The following PAX2 variants were observed in gnomAD, a reference collection of about 807,000 sequenced individuals.
PAX2 encodes paired box 2, also known as paired box protein Pax-2.
Under a neutral mutation model 41.7 loss-of-function variants are expected in PAX2, and 9 were observed. The observed-to-expected ratio is 0.22, with a 90% CI of 0.13 to 0.38. The LOEUF is 0.38. Ranked by LOEUF, PAX2 falls within the 10% of genes least tolerant of loss-of-function variation. The pLI is 1.00. For missense variants in PAX2, 418 were observed against 531.6 expected (o/e 0.79, Z 2.10); for synonymous variants, 221 against 212.7 (o/e 1.04, Z -0.34).
At chr10:100,770,336 T>C (rs1846168088) in intron 3 of PAX2, among the ~76,000 whole-genome samples, 1 of 152,138 alleles carries the variant, frequency 6.6e-6, no homozygotes, top group Non-Finnish European at 1.5e-5. Flanking sequence ...CCAAACAGGA[T>C]CATGGGGGTG....
rs756077842 is a variant in PAX2, at chr10:100,750,596, G to T, written c.213-98G>T. 2.7e-6 allele frequency: 3 copies of T among 1,096,618 alleles called. No individual in the cohort carries two copies. The highest frequency in any genetic ancestry group is 1.5e-5 in the African/African-American group (1 of 64,530). The allele number at this position is 1,096,618 out of a possible 1,614,324, so 67.9% of individuals were successfully genotyped here. On this transcript the variant is annotated intron_variant, in intron 2 of 9. Transcript: ENST00000355243. This position sits in a 1 kb window ranked among gnomAD's most constrained non-coding sequence, Gnocchi z 4.1. ...CCTTTTCCCTCCACTCCGCTGCCTC[G>T]GCCGGGCAGGAGAGTGGCTCAGCAG... is the stretch of plus-strand genomic sequence containing the variant.
intron 7 of PAX2, among the ~76,000 whole-genome samples, chr10:100,809,960 G>A (rs1847935305): frequency 6.6e-6 from 1 of 152,240 alleles, no homozygotes; most frequent in South Asian, 2.1e-4. Context: ...GCTGTGGAAT[G>A]CACGTGCCAC....
intron 5 of PAX2, among the ~76,000 whole-genome samples, chr10:100,805,023 TACACACACACACACACACACACAC>T (rs3978747): frequency 2.9e-4 from 28 of 95,020 alleles, no homozygotes; most frequent in Admixed American, 5.3e-4. Context: ...CTCTCTCACA[TACACACACACACACACACACACAC>T]ACACACACAC....
intron 1 of PAX2, chr10:100,747,540 A>G: frequency 1.2e-6 from 1 of 826,292 alleles, no homozygotes; most frequent in Non-Finnish European, 1.5e-6. Flanking sequence ...CAGATTAATA[A>G]TTAAGGATAA....
At position 100,826,634 on chromosome 10, in the gene PAX2, C is replaced by T. The variant is rs1330813724; in HGVS notation, c.1022-375C>T. Among the ~76,000 whole-genome samples the T allele has an allele frequency of 6.6e-6, 1 of 152,246 alleles. No individual in the cohort carries two copies. Among genetic ancestry groups the T allele is most frequent in the African/African-American group, 2.4e-5 (1 of 41,474 alleles). ...CACTCCCATTTCCACCCATTAGGGG[C>T]CATGCCTCCTAGAACCGGAGTGGCA... On this transcript the variant is annotated intron_variant, in intron 8 of 9. Transcript: ENST00000355243. The surrounding 1 kb of genome is among the most constrained non-coding windows in gnomAD (Gnocchi z 5.5).
intron 5 of PAX2, among the ~76,000 whole-genome samples, chr10:100,796,828 T>C (rs1031488384): frequency 6.6e-6 from 1 of 152,208 alleles, no homozygotes; most frequent in Non-Finnish European, 1.5e-5. Flanking sequence ...CCTGCAATAG[T>C]GGAAAGGGAT....
At chr10:100,740,892 C>CTTCA (rs796390162), upstream of PAX2, among the ~76,000 whole-genome samples, 10 of 152,340 alleles carry the variant, frequency 6.6e-5, no homozygotes, top group Admixed American at 2.0e-4. Context: ...TGGACAGGAC[C>CTTCA]TTCACTCTTA....
intron 5 of PAX2, among the ~76,000 whole-genome samples, chr10:100,795,320 A>G (rs1358452809): frequency 6.6e-6 from 1 of 152,200 alleles, no homozygotes; most frequent in Non-Finnish European, 1.5e-5. Flanking sequence ...GACCTCAAGA[A>G]ACTTACAATC....
In PAX2 at chr10:100,750,740, A is replaced by C; in HGVS notation, c.259A>C (p.Lys87Gln). The C allele has an allele frequency of 6.2e-7, 1 of 1,614,220 alleles. No individual in the cohort carries two copies. Among genetic ancestry groups the C allele is most frequent in the Non-Finnish European group, 8.5e-7 (1 of 1,180,038 alleles). The stretch of plus-strand genomic sequence containing the variant: ...CAAGCCGGGTGTGATCGGTGGCTCC[A>C]AGCCCAAAGTGGCGACGCCCAAAGT... ...SIKPGVIGGSKPKVATPKVVD... is the reference protein window; with the variant it reads ...SIKPGVIGGSQPKVATPKVVD... The change falls in exon 3 of 10, where the codon AAG becomes CAG. Residue 87 changes from lysine (K) to glutamine (Q), a missense_variant. By Grantham distance (53) the Lys-to-Gln change is moderately conservative. Around this residue, in one of 2 missense-constraint regions of PAX2, gnomAD observed 108 missense variants for 206.3 expected, o/e 0.52. Transcript: ENST00000355243. The surrounding 1 kb of genome is among the most constrained non-coding windows in gnomAD (Gnocchi z 4.1).
intron 3 of PAX2, among the ~76,000 whole-genome samples, chr10:100,758,608 G>A (rs1845724278): frequency 6.6e-6 from 1 of 152,238 alleles, no homozygotes; most frequent in Non-Finnish European, 1.5e-5. Flanking sequence ...AGCAGGAAGA[G>A]GCTCCAGAAT....
At chr10:100,773,433 G>C (rs1846280325) in intron 3 of PAX2, among the ~76,000 whole-genome samples, 1 of 151,928 alleles carries the variant, frequency 6.6e-6, no homozygotes, top group Non-Finnish European at 1.5e-5. Flanking sequence ...TCCACCTCAG[G>C]GAGTTTTTGC....
rs550107065 is a variant in PAX2, at chr10:100,805,186, G to A, written c.617-1244G>A. ...GGGAGGCCAGCAAGGGAGGATGGCT[G>A]CAGGTTGAGTTAATCAATATGTAAT... On this transcript the variant is annotated intron_variant, in intron 5 of 9. Transcript: ENST00000355243. Among the ~76,000 whole-genome samples the A allele has an allele frequency of 1.5e-4, 23 of 152,262 alleles. No individual in the cohort carries two copies. The East Asian group carries it at 4.4e-3, about 29-fold the overall frequency.
At chr10:100,790,105 G>A (rs1284891161) in intron 5 of PAX2, among the ~76,000 whole-genome samples, 1 of 152,230 alleles carries the variant, frequency 6.6e-6, no homozygotes, top group Non-Finnish European at 1.5e-5. Context: ...TAATGCTGTT[G>A]TGGATGAAGA....
At chr10:100,770,481 A>G (rs1353588474) in intron 3 of PAX2, among the ~76,000 whole-genome samples, 1 of 152,186 alleles carries the variant, frequency 6.6e-6, no homozygotes, top group Non-Finnish European at 1.5e-5. Flanking sequence ...AGTTAAACAC[A>G]TTGCCCCTTA....
chr10:100,745,306 C>T (rs1845109764), upstream of PAX2, among the ~76,000 whole-genome samples: 1 of 152,190 alleles, frequency 6.6e-6, no homozygotes, highest in African/African-American at 2.4e-5. Flanking sequence ...CCCCCTCCCC[C>T]GGTCCGCTCC....
intron 5 of PAX2, among the ~76,000 whole-genome samples, chr10:100,805,016 TCTCACATA>T (rs1413796301): frequency 1.1e-3 from 72 of 67,312 alleles, no homozygotes; most frequent in African/African-American, 5.4e-3. Context: ...TCTCTCTCTC[TCTCACATA>T]CACACACACA....
At position 100,748,748 on chromosome 10, in the gene PAX2, G is replaced by C. The variant is rs1480799089; in HGVS notation, c.44-998G>C. On this transcript the variant is annotated intron_variant, in intron 1 of 9. Transcript: ENST00000355243. The surrounding 1 kb of genome is among the most constrained non-coding windows in gnomAD (Gnocchi z 5.0). The stretch of plus-strand genomic sequence containing the variant: ...GTTGGAAACCCCGTGCCCTTCTCTT[G>C]GCCGAAAGAGCAAAAGCCCGAGCCG... 1.0e-6 allele frequency: 1 copy of C among 985,354 alleles called. No individual in the cohort carries two copies. Among genetic ancestry groups the C allele is most frequent in the Non-Finnish European group, 1.2e-6 (1 of 829,960 alleles). The allele number at this position is 985,354 out of a possible 1,614,324, so 61.0% of individuals were successfully genotyped here. A position where few individuals can be genotyped will look rare whatever the true frequency, so the allele number is the denominator to read the frequency against.
upstream of PAX2, among the ~76,000 whole-genome samples, chr10:100,744,894 G>C (rs911088331): frequency 6.6e-6 from 1 of 152,254 alleles, no homozygotes; most frequent in Non-Finnish European, 1.5e-5. Context: ...GCGTGGAACG[G>C]GAGGGGACAA....
chr10:100,809,548 A>C (rs1187068802), intron 7 of PAX2, among the ~76,000 whole-genome samples: 1 of 152,186 alleles, frequency 6.6e-6, no homozygotes, highest in East Asian at 1.9e-4. Context: ...CAGAATCATG[A>C]GCCTCTTGTT....
Sources: gnomAD v4.1 joint callset for allele counts (sites outside exome capture counted in the v4.1 genomes callset) on GRCh38, gnomAD v4.1.1 for gene constraint, gnomAD v4.1.1 regional missense constraint, Gnocchi (gnomAD v3.1) non-coding constraint, MANE v1.5 for transcripts, NCBI Gene and HGNC (gene_info 2026-07-23, HGNC 2026-07-21) for gene names.